Variants in PLEKHG5 observed in about 807,000 individuals in gnomAD.
The protein encoded by PLEKHG5 is pleckstrin homology and RhoGEF domain containing G5.
Under a neutral mutation model 103.8 loss-of-function variants are expected in PLEKHG5, and 52 were observed. That is an observed-to-expected ratio of 0.50 (90% CI 0.40 to 0.63). PLEKHG5 has a LOEUF of 0.63. Among genes scored for constraint, PLEKHG5 ranks in the 30% least tolerant of loss-of-function variants. The pLI, the probability that PLEKHG5 is intolerant of heterozygous loss-of-function variation, is 0.00. For missense variants in PLEKHG5, 1,205 were observed against 1,347.6 expected (o/e 0.89, Z 1.66); for synonymous variants, 592 against 575.5 (o/e 1.03, Z -0.41).
rs1474987958 is a variant in PLEKHG5 at position 6,491,185 on chromosome 1, G to C, written c.-88+452C>G. On this transcript the variant is annotated intron_variant, in intron 1 of 20. Coordinates refer to ENST00000377728, the MANE Select transcript of PLEKHG5 (RefSeq NM_020631.6). This position sits in a 1 kb window ranked among gnomAD's most constrained non-coding sequence, Gnocchi z 4.1. ...CAGTTCCCCTCTCCCAGCAGCGGGA[G>C]TTTAGAATAACTCTGGGCTCAGGAC... 6.6e-6 allele frequency among the ~76,000 whole-genome samples: 1 copy of C among 152,018 alleles called. No homozygotes were observed. Among genetic ancestry groups the C allele is most frequent in the East Asian group, 1.9e-4 (1 of 5,172 alleles).
At chr1:6,481,780 T>C (rs9435272) in intron 1 of PLEKHG5, among the ~76,000 whole-genome samples, 43,996 of 148,976 alleles carry the variant, frequency 0.3, 10,560 homozygotes, top group African/African-American at 0.67. Flanking sequence ...AGGAGAATTG[T>C]TTGAACTCAG....
rs1645118515 is a variant in PLEKHG5, at chr1:6,490,029, C to A, written c.-88+1608G>T. Among the ~76,000 whole-genome samples, 1 of 152,174 alleles carries A rather than the reference C, an allele frequency of 6.6e-6. No homozygotes were observed. Among genetic ancestry groups the A allele is most frequent in the Non-Finnish European group, 1.5e-5 (1 of 68,024 alleles). On this transcript the variant is annotated intron_variant, in intron 1 of 20. Transcript: ENST00000377728. This position sits in a 1 kb window ranked among gnomAD's most constrained non-coding sequence, Gnocchi z 8.0. ...CTGGGTCTGCTCAGACTGCCCGAGG[C>A]GCAGCCTCTGGCGCCCCCTGCCGGC...
In PLEKHG5 at chr1:6,475,091, G is replaced by A. The variant is rs1292057464; in HGVS notation, c.258C>T (p.Asp86=). Residue 86 remains aspartate, a synonymous_variant, in exon 5 of 21, where the codon GAC becomes GAT. Coordinates refer to ENST00000377728, the MANE Select transcript of PLEKHG5 (RefSeq NM_020631.6). The stretch of plus-strand genomic sequence containing the variant: ...TGGCTGGGACGATCTCTGTCTCAAT[G>A]TCCACATTCAGGTCAAATTTCAGAG... ...CFTLKFDLNV[D]IETEIVPAMK... is the part of the protein sequence containing the mutation. The A allele has an allele frequency of 6.2e-7, 1 of 1,612,086 alleles. No individual in the cohort carries two copies. Among genetic ancestry groups the A allele is most frequent in the South Asian group, 1.1e-5 (1 of 91,040 alleles).
At chr1:6,489,198 C>T (rs1645098404) in intron 1 of PLEKHG5, among the ~76,000 whole-genome samples, 1 of 152,204 alleles carries the variant, frequency 6.6e-6, no homozygotes, top group South Asian at 2.1e-4. Context: ...CCCCACCCAA[C>T]ACCTTAGAAA....
At chr1:6,485,224 A>C in intron 1 of PLEKHG5, 1 of 773,704 alleles carries the variant, frequency 1.3e-6, no homozygotes, top group Non-Finnish European at 1.8e-6. Context: ...CGGGGCCCAT[A>C]GTCACGGGCA....
intron 1 of PLEKHG5, among the ~76,000 whole-genome samples, chr1:6,518,570 A>G (rs139803020): frequency 0.017 from 2,587 of 151,838 alleles, 58 homozygotes; most frequent in African/African-American, 0.049. Context: ...AAAAAAAAAA[A>G]AAAAAGAAAA....
chr1:6,513,279 T>C (rs1638527581), intron 1 of PLEKHG5, among the ~76,000 whole-genome samples: 1 of 152,226 alleles, frequency 6.6e-6, no homozygotes, highest in African/African-American at 2.4e-5. Flanking sequence ...GACTTCCAAA[T>C]ACCCCAAGGC....
At chr1:6,500,698 C>T (rs1295561324), upstream of PLEKHG5, among the ~76,000 whole-genome samples, 1 of 151,902 alleles carries the variant, frequency 6.6e-6, no homozygotes, top group Non-Finnish European at 1.5e-5. Flanking sequence ...AACTACCCCC[C>T]TTGAGGCAGA....
intron 4 of PLEKHG5, 28 bp from the exon 5 acceptor site, chr1:6,475,166 T>C (rs1557748298): frequency 5.3e-6 from 7 of 1,325,332 alleles, no homozygotes; most frequent in Non-Finnish European, 7.6e-6. Context: ...GTGGGGGCTG[T>C]GAGCTTCTCC....
intron 2 of PLEKHG5, among the ~76,000 whole-genome samples, chr1:6,476,980 G>A (rs1262318019): frequency 2.0e-5 from 3 of 152,072 alleles, no homozygotes; most frequent in African/African-American, 4.8e-5. Context: ...GAATCCTTTT[G>A]TTCCTCTGAT....
At position 6,473,990 on chromosome 1, in the gene PLEKHG5, CT is replaced by C. The variant is rs1356365925; in HGVS notation, c.591+22del. 28 of 1,551,612 alleles carry C rather than the reference CT, an allele frequency of 1.8e-5. No individual in the cohort carries two copies. The Admixed American group carries it at 2.3e-4, about 13-fold the overall frequency. On this transcript the variant is annotated intron_variant, in intron 7 of 20. Transcript: ENST00000377728. ...CCTGGGCCCCTTCCCACCCCCTCCC[CT>C]GACACACCCCCTCCTCCTCACCAAG...
chr1:6,484,310 T>C (rs1644970940), intron 1 of PLEKHG5, among the ~76,000 whole-genome samples: 1 of 152,154 alleles, frequency 6.6e-6, no homozygotes, highest in East Asian at 1.9e-4. Flanking sequence ...GCTGCTCGAC[T>C]CCTCCAGCTG....
At position 6,468,611 on chromosome 1, in the gene PLEKHG5, C is replaced by T. The variant is rs200339873; in HGVS notation, c.2250-25G>A. On this transcript the variant is annotated intron_variant, in intron 19 of 20. Transcript: ENST00000377728. ...ACTGTGGGGCCAGGAGCAGAGTCAG[C>T]CCAGGCCATGAAACCTAGATGGCCT... 388 of 1,612,572 alleles carry T rather than the reference C, an allele frequency of 2.4e-4. 1 individual carries two copies. Among genetic ancestry groups the T allele is most frequent in the Non-Finnish European group, 4.2e-5 (50 of 1,179,704 alleles).
At position 6,469,540 on chromosome 1, in the gene PLEKHG5, T is replaced by C. The variant is rs754759840; in HGVS notation, c.1933+4A>G. On this transcript the variant is annotated splice_donor_region_variant and intron_variant, in intron 17 of 20. Transcript: ENST00000377728. ...ACCAGGAACAGGGGACCAGGGCTCC[T>C]TACCAGGGTCCCGTAGCTCCCGGCA... 14 of 1,613,736 alleles carry C rather than the reference T, an allele frequency of 8.7e-6. No homozygotes were observed. The Admixed American group carries it at 2.3e-4, about 27-fold the overall frequency.
rs570099439 is a variant in PLEKHG5, at chr1:6,479,669, A to G, written c.-87-2011T>C. On this transcript the variant is annotated intron_variant, in intron 1 of 20. Transcript: ENST00000377728. ...GCTCTGTAGCCCAGGCTGGAGTAGT[A>G]TGGCATGATCAGCTCACTGCAACCT... 1.5e-3 allele frequency among the ~76,000 whole-genome samples: 226 copies of G among 151,494 alleles called. 6 individuals are homozygous for G. Among genetic ancestry groups the G allele is most frequent in the Admixed American group, 0.015 (223 of 15,216 alleles).
Position 6,473,078 on chromosome 1 carries a change from A to G in PLEKHG5, c.892T>C (p.Ser298Pro), listed in dbSNP as rs1249785142. ...LPRGLRFDHD[S>P]WEEEYDEDED... The stretch of plus-strand genomic sequence containing the variant: ...TCTTCATCGTACTCCTCCTCCCAGG[A>G]GTCATGGTCGAAGCGCAGCCCCCGG... The change falls in exon 9 of 21, where the codon TCC (serine) becomes CCC (proline). Residue 298 changes from serine to proline, a missense_variant. Ser to Pro is a moderately conservative substitution (Grantham distance 74). Transcript: ENST00000377728. 19 of 1,614,000 alleles carry G rather than the reference A, an allele frequency of 1.2e-5. 1 individual carries two copies. In the South Asian group the frequency reaches 2.1e-4, roughly 18 times the overall value.
rs1645067772 is a variant in PLEKHG5 at position 6,487,707 on chromosome 1, CCTTT to C, written c.-88+3926_-88+3929del. 6.6e-6 allele frequency among the ~76,000 whole-genome samples: 1 copy of C among 152,228 alleles called. No homozygotes were observed. The highest frequency in any genetic ancestry group is 2.1e-4 in the South Asian group (1 of 4,834). On this transcript the variant is annotated intron_variant, in intron 1 of 20. Transcript: ENST00000377728. This position sits in a 1 kb window ranked among gnomAD's most constrained non-coding sequence, Gnocchi z 4.1. ...CACCCTTACCCTCCCACTCTCAATT[CCTTT>C]AAGTTAAATTATTTCCTTCTTAGTG...
chr1:6,485,938 G>T, intron 1 of PLEKHG5: 2 of 984,716 alleles, frequency 2.0e-6, no homozygotes, highest in South Asian at 4.7e-5. Context: ...TTTCTCCTGG[G>T]GAGCTCCTTG....
chr1:6,500,698 C>A (rs1295561324), upstream of PLEKHG5, among the ~76,000 whole-genome samples: 1 of 151,902 alleles, frequency 6.6e-6, no homozygotes, highest in East Asian at 1.9e-4. Context: ...AACTACCCCC[C>A]TTGAGGCAGA....
Sources: allele counts gnomAD v4.1 joint callset (sites outside exome capture counted in the v4.1 genomes callset), GRCh38; gene constraint gnomAD v4.1.1; non-coding constraint Gnocchi (gnomAD v3.1); transcripts MANE v1.5; gene names NCBI Gene and HGNC (gene_info 2026-07-23, HGNC 2026-07-21).